The following BLTP1 variants were observed in gnomAD, a reference collection of about 807,000 sequenced individuals.
BLTP1 encodes the protein fragile site-associated protein.
At chr4:122,243,784 C>T in the BLTP1 span, 15 of 1,402,406 alleles carry the variant, frequency 1.1e-5, no homozygotes, top group Admixed American at 5.9e-5. Context: ...TGTGTTCACT[C>T]ATCTTAAGGA....
the BLTP1 span, among the ~76,000 whole-genome samples, chr4:122,317,811 T>C: frequency 6.6e-6 from 1 of 152,190 alleles, no homozygotes; most frequent in South Asian, 2.1e-4. Context: ...AAGCAAAATA[T>C]ACCTTTCCTC....
the BLTP1 span, among the ~76,000 whole-genome samples, chr4:122,177,464 C>T: frequency 1.3e-5 from 2 of 152,210 alleles, no homozygotes; most frequent in Non-Finnish European, 2.9e-5. Flanking sequence ...TTATTCCTCT[C>T]TCTTCCCAGA....
At chr4:122,241,367 G>A in the BLTP1 span, among the ~76,000 whole-genome samples, 1 of 152,142 alleles carries the variant, frequency 6.6e-6, no homozygotes, top group Non-Finnish European at 1.5e-5. Flanking sequence ...TATAGACCAT[G>A]GCATCAGGAG....
chr4:122,235,145 G>A, the BLTP1 span: 2 of 953,650 alleles, frequency 2.1e-6, no homozygotes, highest in South Asian at 3.6e-5. Context: ...TATGAGTAGG[G>A]TTTAGTATAA....
At chr4:122,289,013 T>G in the BLTP1 span, 1 of 1,464,062 alleles carries the variant, frequency 6.8e-7, no homozygotes, top group South Asian at 1.3e-5. Context: ...TTCCTCAGTT[T>G]AGGGTGATTT....
chr4:122,244,613 A>G, the BLTP1 span: 1 of 979,544 alleles, frequency 1.0e-6, no homozygotes, highest in African/African-American at 1.7e-5. Context: ...GAAGTGGTGT[A>G]GAAGCGGTTG....
chr4:122,277,788 A>C, the BLTP1 span: 1 of 883,460 alleles, frequency 1.1e-6, no homozygotes, highest in Non-Finnish European at 1.4e-6. Flanking sequence ...CTCCCTAATT[A>C]GATTTTAAGA....
the BLTP1 span, among the ~76,000 whole-genome samples, chr4:122,311,691 A>G: frequency 6.6e-6 from 1 of 152,222 alleles, no homozygotes; most frequent in Non-Finnish European, 1.5e-5. Context: ...GGAAGAGTTC[A>G]AAGAACGATT....
chr4:122,334,887 T>C, the BLTP1 span, among the ~76,000 whole-genome samples: 3 of 152,056 alleles, frequency 2.0e-5, no homozygotes, highest in Non-Finnish European at 4.4e-5. Flanking sequence ...GTACATTGGG[T>C]TTAACCACAT....
chr4:122,157,663 G>T, the BLTP1 span, among the ~76,000 whole-genome samples: 1 of 152,142 alleles, frequency 6.6e-6, no homozygotes, highest in African/African-American at 2.4e-5. Flanking sequence ...TCTGCGGCCT[G>T]GGGGTTGGGG....
At chr4:122,187,168 A>C in the BLTP1 span, 1 of 984,518 alleles carries the variant, frequency 1.0e-6, no homozygotes, top group Non-Finnish European at 1.2e-6. Flanking sequence ...TAGTTTTGTC[A>C]TTAAAGCTTG....
At chr4:122,187,782 G>A in the BLTP1 span, 1 of 1,203,680 alleles carries the variant, frequency 8.3e-7, no homozygotes, top group Non-Finnish European at 1.1e-6. Flanking sequence ...GTCCTAAAGT[G>A]GAATCATTAA....
At chr4:122,276,877 T>G in the BLTP1 span, 1 of 984,282 alleles carries the variant, frequency 1.0e-6, no homozygotes, top group African/African-American at 1.7e-5. Context: ...AGAGCTACTG[T>G]TGGGCTTTGC....
At chr4:122,320,576 C>T in the BLTP1 span, among the ~76,000 whole-genome samples, 1 of 152,088 alleles carries the variant, frequency 6.6e-6, no homozygotes, top group Non-Finnish European at 1.5e-5. Context: ...TTGAAATCTG[C>T]TCTGTCTGAA....
At chr4:122,181,807 A>G in the BLTP1 span, among the ~76,000 whole-genome samples, 1 of 152,100 alleles carries the variant, frequency 6.6e-6, no homozygotes, top group South Asian at 2.1e-4. Flanking sequence ...CATCCTCCAT[A>G]CTAGAGAATT....
the BLTP1 span, among the ~76,000 whole-genome samples, chr4:122,178,705 C>G: frequency 6.6e-6 from 1 of 152,150 alleles, no homozygotes; most frequent in African/African-American, 2.4e-5. Context: ...CCATTATTAT[C>G]TCATTTATTA....
chr4:122,234,871 C>G, the BLTP1 span: 2 of 1,613,444 alleles, frequency 1.2e-6, no homozygotes, highest in Non-Finnish European at 1.7e-6. Context: ...GGCACAGTAA[C>G]TGGCCTAGAT....
At chr4:122,172,202 A>T in the BLTP1 span, 1 of 465,570 alleles carries the variant, frequency 2.1e-6, no homozygotes, top group Non-Finnish European at 2.8e-6. Context: ...TGCTTTATCC[A>T]TAATACATAA....
At chr4:122,299,631 A>G in the BLTP1 span, 8 of 177,838 alleles carry the variant, frequency 4.5e-5, no homozygotes, top group African/African-American at 1.9e-4. Flanking sequence ...GCATAATGTA[A>G]GACAGTGGAA....
Sources: allele counts gnomAD v4.1 joint callset (sites outside exome capture counted in the v4.1 genomes callset), GRCh38; gene constraint gnomAD v4.1.1; transcripts MANE v1.5; gene names NCBI Gene and HGNC (gene_info 2026-07-23, HGNC 2026-07-21).